Variants in LINGO2 observed in about 807,000 individuals in gnomAD.
LINGO2 encodes leucine-rich repeat and immunoglobulin-like domain-containing nogo receptor-interacting protein 2.
A neutral mutation model predicts 30.6 loss-of-function variants in LINGO2; 14 were observed. The observed-to-expected ratio is 0.46, with a 90% CI of 0.30 to 0.72. The LOEUF is 0.72. Among genes scored for constraint, LINGO2 ranks in the 30% least tolerant of loss-of-function variants. The pLI is 0.07. For missense variants in LINGO2, 729 were observed against 751.7 expected (o/e 0.97, Z 0.35); for synonymous variants, 317 against 288.5 (o/e 1.10, Z -1.00).
At chr9:28,882,827 T>A in the LINGO2 span, among the ~76,000 whole-genome samples, 3 of 152,160 alleles carry the variant, frequency 2.0e-5, no homozygotes, top group African/African-American at 7.2e-5. Flanking sequence ...ATTCCCTAAA[T>A]GTCTCTGCAA....
intron 5 of LINGO2, among the ~76,000 whole-genome samples, chr9:28,000,723 C>G (rs1821906160): frequency 6.6e-6 from 1 of 152,124 alleles, no homozygotes. Flanking sequence ...GGGGCACTAC[C>G]CGAAAGTTGA....
intron 1 of LINGO2, among the ~76,000 whole-genome samples, chr9:28,531,094 G>T (rs1266321331): frequency 6.7e-6 from 1 of 148,670 alleles, no homozygotes; most frequent in Non-Finnish European, 1.5e-5. Context: ...TAATAAGACT[G>T]GCATCTTATA....
At chr9:28,545,739 A>T (rs933601977) in intron 1 of LINGO2, among the ~76,000 whole-genome samples, 5 of 152,020 alleles carry the variant, frequency 3.3e-5, no homozygotes, top group Admixed American at 1.3e-4. Flanking sequence ...CCACTTAGAA[A>T]TATGCCAAAT....
At chr9:29,041,033 T>G in the LINGO2 span, among the ~76,000 whole-genome samples, 1 of 151,990 alleles carries the variant, frequency 6.6e-6, no homozygotes, top group Admixed American at 6.6e-5. Context: ...TATTTTCTAT[T>G]GTGCACTCTT....
the LINGO2 span, among the ~76,000 whole-genome samples, chr9:28,739,704 C>G: frequency 1.3e-5 from 2 of 151,566 alleles, no homozygotes; most frequent in Admixed American, 6.6e-5. Flanking sequence ...AATCAATTAA[C>G]CCATAAATAT....
At chr9:28,921,882 T>C in the LINGO2 span, among the ~76,000 whole-genome samples, 1 of 152,170 alleles carries the variant, frequency 6.6e-6, no homozygotes, top group Non-Finnish European at 1.5e-5. Flanking sequence ...AGTGAGACTA[T>C]TTTATTATCC....
intron 4 of LINGO2, among the ~76,000 whole-genome samples, chr9:28,142,964 T>G (rs374193335): frequency 6.6e-5 from 10 of 152,274 alleles, no homozygotes; most frequent in East Asian, 5.8e-4. Context: ...TATGGGGAGT[T>G]TTGTTATTGA....
chr9:29,187,958 C>CT, the LINGO2 span, among the ~76,000 whole-genome samples: 263 of 90,196 alleles, frequency 2.9e-3, 1 homozygote, highest in African/African-American at 9.1e-3. Context: ...CAACTATTTT[C>CT]TTTTTTTTTT....
the LINGO2 span, among the ~76,000 whole-genome samples, chr9:29,205,251 G>T: frequency 6.6e-6 from 1 of 152,060 alleles, no homozygotes; most frequent in South Asian, 2.1e-4. Context: ...CATGTTGCCA[G>T]GATGGTCTCG....
the LINGO2 span, among the ~76,000 whole-genome samples, chr9:28,740,244 T>G: frequency 6.6e-6 from 1 of 151,890 alleles, no homozygotes; most frequent in Non-Finnish European, 1.5e-5. Flanking sequence ...TTGAACAGTA[T>G]TCTATAGATA....
the LINGO2 span, among the ~76,000 whole-genome samples, chr9:28,820,306 G>A: frequency 6.6e-6 from 1 of 150,604 alleles, no homozygotes; most frequent in Admixed American, 6.6e-5. Context: ...GTCACCCACT[G>A]AGCAAGCTAT....
Position 28,439,273 on chromosome 9 carries a change from A to ATG in LINGO2, c.-279+36665_-279+36666dup, listed in dbSNP as rs148850262. Among the ~76,000 whole-genome samples the ATG allele has an allele frequency of 1.3e-3, 201 of 150,436 alleles. 1 individual carries two copies. Among genetic ancestry groups the ATG allele is most frequent in the African/African-American group, 4.3e-3 (175 of 41,088 alleles). ...TGTGTGTATATGTATATGTATATAT[A>ATG]TGTGTGTGTGTGTGTGTTTCATATA... is the stretch of plus-strand genomic sequence containing the variant. On this transcript the variant is annotated intron_variant, in intron 2 of 5. Coordinates refer to ENST00000379992, the Ensembl canonical transcript of LINGO2.
At chr9:29,014,255 A>G in the LINGO2 span, among the ~76,000 whole-genome samples, 1 of 152,198 alleles carries the variant, frequency 6.6e-6, no homozygotes, top group Non-Finnish European at 1.5e-5. Flanking sequence ...AATTGGATGC[A>G]TAAGCCACAC....
chr9:28,369,170 C>T (rs1440662868), intron 3 of LINGO2, among the ~76,000 whole-genome samples: 2 of 152,232 alleles, frequency 1.3e-5, no homozygotes, highest in South Asian at 2.1e-4. Context: ...AGCTCAGACT[C>T]CTTTTCATTA....
the LINGO2 span, among the ~76,000 whole-genome samples, chr9:29,026,115 C>T: frequency 1.3e-5 from 2 of 152,040 alleles, no homozygotes; most frequent in Non-Finnish European, 2.9e-5. Flanking sequence ...ACACTACAGT[C>T]TCAATCTCCT....
intron 3 of LINGO2, among the ~76,000 whole-genome samples, chr9:28,337,917 G>A (rs1248351961): frequency 1.3e-5 from 2 of 152,168 alleles, no homozygotes; most frequent in Non-Finnish European, 2.9e-5. Context: ...GAAGGGAAAT[G>A]TGGGGTAAAA....
chr9:28,512,481 C>T (rs1251577944), intron 1 of LINGO2, among the ~76,000 whole-genome samples: 1 of 151,072 alleles, frequency 6.6e-6, no homozygotes, highest in Non-Finnish European at 1.5e-5. Context: ...GAGCAGCTTG[C>T]TAAGAGCCTG....
chr9:27,950,440 T>C (rs1343762371), exon 6 of LINGO2: 4 of 1,613,728 alleles, frequency 2.5e-6, no homozygotes, highest in Admixed American at 1.7e-5. Flanking sequence ...GGATATGATA[T>C]GAATTCTTCA....
intron 1 of LINGO2, among the ~76,000 whole-genome samples, chr9:28,515,210 T>A (rs1820572385): frequency 6.7e-6 from 1 of 148,696 alleles, no homozygotes; most frequent in East Asian, 2.0e-4. Flanking sequence ...ATACATTTTT[T>A]TTTTTTTTTT....
Sources: gnomAD v4.1 joint callset for allele counts (sites outside exome capture counted in the v4.1 genomes callset) on GRCh38, gnomAD v4.1.1 for gene constraint, MANE v1.5 for transcripts, NCBI Gene and HGNC (gene_info 2026-07-23, HGNC 2026-07-21) for gene names.